The following PCDH9 variants were observed in gnomAD, a reference collection of about 807,000 sequenced individuals.
The protein encoded by PCDH9 is protocadherin-9.
A neutral mutation model predicts 70.6 loss-of-function variants in PCDH9; 24 were observed. The ratio of observed to expected loss-of-function variants is 0.34; its 90% confidence interval spans 0.25 to 0.48. The LOEUF (loss-of-function observed/expected upper bound fraction) is 0.48, where lower values mean the gene tolerates loss of function less well. PCDH9 is among the 20% of genes least tolerant of loss of function. The probability of loss-of-function intolerance (pLI) is 0.99; values close to 1 mark genes in which losing one functional copy is unlikely to be tolerated. For missense variants in PCDH9, 1,281 were observed against 1,503.6 expected (o/e 0.85, Z 2.45); for synonymous variants, 562 against 558.5 (o/e 1.01, Z -0.09).
chr13:67,156,668 C>A (rs2087822028), intron 2 of PCDH9, among the ~76,000 whole-genome samples: 1 of 152,184 alleles, frequency 6.6e-6, no homozygotes, highest in African/African-American at 2.4e-5. Context: ...AGGCGAGAAA[C>A]CCCGGGATAC....
chr13:66,415,632 T>C (rs1259564502), intron 4 of PCDH9, among the ~76,000 whole-genome samples: 1 of 152,230 alleles, frequency 6.6e-6, no homozygotes, highest in Non-Finnish European at 1.5e-5. Context: ...AACTGCTTTC[T>C]ACTTCTTTAC....
At chr13:66,589,794 C>T (rs182407421) in intron 4 of PCDH9, among the ~76,000 whole-genome samples, 137 of 151,876 alleles carry the variant, frequency 9.0e-4, no homozygotes, top group African/African-American at 3.1e-3. Context: ...ATTGAAAAGT[C>T]CTCTAATTTA....
At position 67,226,783 on chromosome 13, in the gene PCDH9, T is replaced by C; in HGVS notation, c.1658A>G (p.Gln553Arg). The C allele has an allele frequency of 6.2e-7, 1 of 1,614,108 alleles. No individual in the cohort carries two copies. The highest frequency in any genetic ancestry group is 8.5e-7 in the Non-Finnish European group (1 of 1,179,964). ...AGTAACAATCACAGCCGCTTGGCTT[T>C]GGAGGGGAGGGGTCCCATTGTCCCT... ...TARDNGTPPL[Q>R]SQAAVIVTVL... Residue 553 changes from glutamine (Q) to arginine (R), a missense_variant, in exon 2 of 5, where the codon CAA becomes CGA. This residue lies in a region of PCDH9 where 798 missense variants were observed against 1,003.1 expected (regional missense o/e 0.80). Transcript: ENST00000377865. This position sits in a 1 kb window ranked among gnomAD's most constrained non-coding sequence, Gnocchi z 5.0.
chr13:66,552,497 A>G (rs1023913722), intron 4 of PCDH9, among the ~76,000 whole-genome samples: 7 of 152,010 alleles, frequency 4.6e-5, no homozygotes, highest in African/African-American at 1.7e-4. Flanking sequence ...AACTCCAATA[A>G]CTGCTGAACT....
intron 3 of PCDH9, among the ~76,000 whole-genome samples, chr13:66,724,243 A>G (rs1458456316): frequency 6.6e-6 from 1 of 152,190 alleles, no homozygotes; most frequent in Non-Finnish European, 1.5e-5. Context: ...TATTTAAATG[A>G]GCCAAAAACA....
chr13:67,051,100 A>G (rs1456840468), intron 2 of PCDH9, among the ~76,000 whole-genome samples: 1 of 152,198 alleles, frequency 6.6e-6, no homozygotes, highest in Non-Finnish European at 1.5e-5. Flanking sequence ...TGCTCAGCTA[A>G]TGTTTAGAAA....
chr13:67,228,697 T>G, intron 1 of PCDH9, 122 bp from the exon 2 acceptor site: 1 of 348,606 alleles, frequency 2.9e-6, no homozygotes, highest in Non-Finnish European at 5.1e-6. Context: ...TGCCACTGTT[T>G]GCAAGTTTAC....
At chr13:66,527,212 TGTAA>T (rs201080490) in intron 4 of PCDH9, among the ~76,000 whole-genome samples, 2,372 of 152,212 alleles carry the variant, frequency 0.016, 54 homozygotes, top group African/African-American at 0.052. Context: ...CCCAAATTAC[TGTAA>T]GTGTCAGGGT....
intron 4 of PCDH9, among the ~76,000 whole-genome samples, chr13:66,305,479 A>T (rs1470920577): frequency 6.6e-6 from 1 of 151,298 alleles, no homozygotes; most frequent in African/African-American, 2.5e-5. Flanking sequence ...AACTCCACTA[A>T]GTTAAAAAGC....
Position 67,226,731 on chromosome 13 carries a change from G to C in PCDH9, c.1710C>G (p.Pro570=), listed in dbSNP as rs781030236. 6.2e-7 allele frequency: 1 copy of C among 1,614,116 alleles called. No homozygotes were observed. Residue 570 remains proline (P), a synonymous_variant, in exon 2 of 5, where the codon CCC becomes CCG. Transcript: ENST00000377865. This position sits in a 1 kb window ranked among gnomAD's most constrained non-coding sequence, Gnocchi z 5.0. ...VTVLDENDNS[P]KFTHNHFQFF... Reference sequence around the variant, plus strand: ...ATTGAAAATGATTATGAGTAAACTTGGGGCTATTGTCATTCTCATCCAGAA... The same window carrying C: ...ATTGAAAATGATTATGAGTAAACTTCGGGCTATTGTCATTCTCATCCAGAA...
chr13:66,925,118 A>G (rs2082696877), intron 2 of PCDH9, among the ~76,000 whole-genome samples: 2 of 151,914 alleles, frequency 1.3e-5, no homozygotes, highest in African/African-American at 4.8e-5. Flanking sequence ...TTCGCTGTCA[A>G]TTTGATTCAA....
At chr13:67,054,526 G>T (rs1376997299) in intron 2 of PCDH9, among the ~76,000 whole-genome samples, 1 of 152,156 alleles carries the variant, frequency 6.6e-6, no homozygotes, top group Non-Finnish European at 1.5e-5. Flanking sequence ...AGATAAATTA[G>T]TATTGGTAGA....
intron 2 of PCDH9, among the ~76,000 whole-genome samples, chr13:67,175,978 CAAG>C (rs1486585032): frequency 5.3e-5 from 8 of 151,360 alleles, no homozygotes; most frequent in African/African-American, 1.9e-4. Flanking sequence ...TCATTCACAG[CAAG>C]AAGATGTTTC....
intron 4 of PCDH9, among the ~76,000 whole-genome samples, chr13:66,430,783 A>G (rs894995676): frequency 3.3e-5 from 5 of 152,090 alleles, no homozygotes; most frequent in African/African-American, 9.7e-5. Context: ...ATGCAGTGTG[A>G]TAAGAACTGC....
chr13:67,116,483 T>G (rs1282478706), intron 2 of PCDH9, among the ~76,000 whole-genome samples: 1 of 152,144 alleles, frequency 6.6e-6, no homozygotes, highest in Non-Finnish European at 1.5e-5. Flanking sequence ...AGTTGAAATA[T>G]CTGCTAAATT....
At chr13:66,972,431 T>A (rs1301408816) in intron 2 of PCDH9, among the ~76,000 whole-genome samples, 4 of 151,986 alleles carry the variant, frequency 2.6e-5, no homozygotes, top group Non-Finnish European at 5.9e-5. Flanking sequence ...TATTTTTTGA[T>A]GGACCTTTTC....
intron 2 of PCDH9, chr13:67,205,662 C>A (rs1372399189): frequency 6.6e-6 from 1 of 152,060 alleles, no homozygotes; most frequent in East Asian, 1.9e-4. Flanking sequence ...ACATAGTGGA[C>A]AAAAAGGGTA....
intron 4 of PCDH9, among the ~76,000 whole-genome samples, chr13:66,352,120 G>A (rs1956302628): frequency 6.6e-6 from 1 of 152,154 alleles, no homozygotes; most frequent in Non-Finnish European, 1.5e-5. Context: ...ACAGGCATGA[G>A]CCACCGTGCC....
intron 2 of PCDH9, among the ~76,000 whole-genome samples, chr13:67,165,395 A>G (rs565186829): frequency 6.6e-6 from 1 of 152,308 alleles, no homozygotes; most frequent in South Asian, 2.1e-4. Context: ...TGCAGAATAT[A>G]TCATTATACA....
Sources: gnomAD v4.1 joint callset for allele counts (sites outside exome capture counted in the v4.1 genomes callset) on GRCh38, gnomAD v4.1.1 for gene constraint, gnomAD v4.1.1 regional missense constraint, Gnocchi (gnomAD v3.1) non-coding constraint, MANE v1.5 for transcripts, NCBI Gene and HGNC (gene_info 2026-07-23, HGNC 2026-07-21) for gene names.